The following GPC6 variants were observed in gnomAD, a reference collection of about 807,000 sequenced individuals.
The protein encoded by GPC6 is glypican 6.
Under a neutral mutation model 55.2 loss-of-function variants are expected in GPC6, and 14 were observed. That is an observed-to-expected ratio of 0.25 (90% confidence interval 0.17 to 0.40). GPC6 has a LOEUF of 0.40. Ranked by LOEUF, GPC6 falls within the 10% of genes least tolerant of loss-of-function variation. GPC6 has a pLI of 1.00. For missense variants in GPC6, 641 were observed against 708.5 expected (o/e 0.90, Z 1.08); for synonymous variants, 278 against 259.6 (o/e 1.07, Z -0.68).
chr13:94,341,200 A>C (rs556257628), intron 6 of GPC6, among the ~76,000 whole-genome samples: 1 of 152,192 alleles, frequency 6.6e-6, no homozygotes, highest in African/African-American at 2.4e-5. Context: ...AAAAAATCCT[A>C]TTTGAAATCT....
chr13:94,330,673 A>G (rs1877363573), intron 6 of GPC6, among the ~76,000 whole-genome samples: 1 of 152,206 alleles, frequency 6.6e-6, no homozygotes, highest in Non-Finnish European at 1.5e-5. Flanking sequence ...ACATCATGCT[A>G]AGAGAAGCAC....
chr13:93,754,313 CT>C (rs1400890892), intron 2 of GPC6, among the ~76,000 whole-genome samples: 1 of 152,114 alleles, frequency 6.6e-6, no homozygotes, highest in East Asian at 1.9e-4. Flanking sequence ...AATTTAGAAT[CT>C]TGGCAATCAG....
In GPC6 at chr13:93,289,656, G is replaced by A. The variant is rs188628338; in HGVS notation, c.160+62040G>A. 3.3e-3 allele frequency among the ~76,000 whole-genome samples: 504 copies of A among 152,236 alleles called. 3 individuals are homozygous for A. Among genetic ancestry groups the A allele is most frequent in the African/African-American group, 0.011 (459 of 41,552 alleles). ...TATGTTGATAAAACTTGTATGCACA[G>A]TTCAGCCTTTCAGTTTAGAGGATCA... On this transcript the variant is annotated intron_variant, in intron 1 of 8. Coordinates refer to ENST00000377047, the MANE Select transcript of GPC6 (RefSeq NM_005708.5).
chr13:94,077,169 T>C (rs925142721), intron 4 of GPC6, among the ~76,000 whole-genome samples: 2 of 151,882 alleles, frequency 1.3e-5, no homozygotes, highest in African/African-American at 4.8e-5. Flanking sequence ...ATCAACATTT[T>C]GCAGTTCTCA....
In GPC6 at chr13:94,379,491, C is replaced by T. The variant is rs529241861; in HGVS notation, c.1153-2923C>T. Among the ~76,000 whole-genome samples, 6 of 152,278 alleles carry T rather than the reference C, an allele frequency of 3.9e-5. No individual in the cohort carries two copies. The East Asian group carries it at 9.7e-4, about 25-fold the overall frequency. On this transcript the variant is annotated intron_variant, in intron 6 of 8. Coordinates refer to ENST00000377047, the MANE Select transcript of GPC6 (RefSeq NM_005708.5). ...GAGAAAACCCACATCCCCATCATCG[C>T]GACGGGCTCCTCACTTAGCCAAATA...
chr13:93,641,273 A>G (rs1234935090), intron 2 of GPC6, among the ~76,000 whole-genome samples: 4 of 50,878 alleles, frequency 7.9e-5, no homozygotes, highest in Non-Finnish European at 3.0e-4. Context: ...CATCATATAC[A>G]CTTAATGTCC....
intron 1 of GPC6, among the ~76,000 whole-genome samples, chr13:93,463,875 T>A (rs571361588): frequency 6.6e-6 from 1 of 152,110 alleles, no homozygotes; most frequent in Non-Finnish European, 1.5e-5. Context: ...TTTGCTTACG[T>A]AAGTCCTCAA....
chr13:93,951,797 T>C lies in GPC6; in HGVS notation c.712-75932T>C, dbSNP rs374870120. Reference sequence around the variant, plus strand: ...ACATAAGCAAAATCTTGAATTTTTTTTATAAGAGAACTTTCACCAGAGAAA... The same window carrying C: ...ACATAAGCAAAATCTTGAATTTTTTCTATAAGAGAACTTTCACCAGAGAAA... On this transcript the variant is annotated intron_variant, in intron 3 of 8. Coordinates refer to ENST00000377047, the MANE Select transcript of GPC6 (RefSeq NM_005708.5). Among the ~76,000 whole-genome samples the C allele has an allele frequency of 7.1e-4, 108 of 152,276 alleles. 3 individuals are homozygous for C. In the South Asian group the frequency reaches 0.019, roughly 27 times the overall value.
chr13:93,552,589 A>G (rs1050307679), intron 2 of GPC6, among the ~76,000 whole-genome samples: 1 of 152,076 alleles, frequency 6.6e-6, no homozygotes, highest in Admixed American at 6.6e-5. Flanking sequence ...TGAACTTCCA[A>G]TCTTTTTCTA....
Position 94,142,113 on chromosome 13 carries a change from T to C in GPC6, c.877+114219T>C, listed in dbSNP as rs575807848. Among the ~76,000 whole-genome samples, 11 of 152,270 alleles carry C rather than the reference T, an allele frequency of 7.2e-5. No individual in the cohort carries two copies. The East Asian group carries it at 2.1e-3, about 29-fold the overall frequency. On this transcript the variant is annotated intron_variant, in intron 4 of 8. Transcript: ENST00000377047. ...ACATGTTGCTGTTGCTCTTTTATGG[T>C]CAACTCTGGTGGGAATTTAGAATCT...
intron 2 of GPC6, among the ~76,000 whole-genome samples, chr13:93,776,495 C>T (rs1766142395): frequency 6.6e-6 from 1 of 152,026 alleles, no homozygotes; most frequent in Non-Finnish European, 1.5e-5. Context: ...GTGTCCATAG[C>T]ATCTTCTTTT....
At position 94,403,059 on chromosome 13, in the gene GPC6, G is replaced by T. The variant is rs1012906549; in HGVS notation, c.1510G>T (p.Asp504Tyr). The T allele has an allele frequency of 9.3e-6, 15 of 1,613,914 alleles. No individual in the cohort carries two copies. Among genetic ancestry groups the T allele is most frequent in the Non-Finnish European group, 1.3e-5 (15 of 1,179,760 alleles). The change falls in exon 9 of 9, where the codon GAC (aspartate) becomes TAC (tyrosine). Residue 504 changes from aspartate to tyrosine, a missense_variant. Coordinates refer to ENST00000377047, the MANE Select transcript of GPC6 (RefSeq NM_005708.5). ...AGGGAGTGGCAGTGGGTGCATGGAT[G>T]ACGTGTGTCCCACGGAGTTTGAGTT... ...GSGSGSGCMDDVCPTEFEFVT... is the reference protein window; with the variant it reads ...GSGSGSGCMDYVCPTEFEFVT...
At chr13:94,338,013 G>A (rs1412188651) in intron 6 of GPC6, among the ~76,000 whole-genome samples, 1 of 152,190 alleles carries the variant, frequency 6.6e-6, no homozygotes, top group African/African-American at 2.4e-5. Flanking sequence ...AAGACTTTCT[G>A]CCCTAGTGAT....
At chr13:93,811,830 C>G (rs9524233) in intron 2 of GPC6, among the ~76,000 whole-genome samples, 58,473 of 151,920 alleles carry the variant, frequency 0.38, 12,222 homozygotes, top group African/African-American at 0.54. Flanking sequence ...AAATCCCATA[C>G]ATGCAAAATG....
At chr13:94,037,579 AAC>A (rs1397480135) in intron 4 of GPC6, among the ~76,000 whole-genome samples, 6 of 151,970 alleles carry the variant, frequency 3.9e-5, no homozygotes, top group Non-Finnish European at 8.8e-5. Context: ...TTAACCCTAA[AAC>A]AACCTTATTA....
At chr13:93,525,391 T>G (rs1278143798) in intron 1 of GPC6, among the ~76,000 whole-genome samples, 1 of 151,976 alleles carries the variant, frequency 6.6e-6, no homozygotes, top group Non-Finnish European at 1.5e-5. Flanking sequence ...TCTAAGAGCA[T>G]GTGTTTGGAA....
chr13:93,645,373 A>G (rs1256622171), intron 2 of GPC6, among the ~76,000 whole-genome samples: 1 of 152,144 alleles, frequency 6.6e-6, no homozygotes, highest in East Asian at 1.9e-4. Context: ...GAAAGGTTAC[A>G]TAGTTGGTTG....
At chr13:93,942,887 G>C (rs928499719) in intron 3 of GPC6, among the ~76,000 whole-genome samples, 1 of 152,150 alleles carries the variant, frequency 6.6e-6, no homozygotes, top group African/African-American at 2.4e-5. Flanking sequence ...CTGTTGCTCA[G>C]ATTTTTCTCT....
intron 7 of GPC6, among the ~76,000 whole-genome samples, chr13:94,383,099 C>A (rs974891049): frequency 6.6e-6 from 1 of 152,144 alleles, no homozygotes; most frequent in Non-Finnish European, 1.5e-5. Context: ...CAGCAGTTTT[C>A]ATCATTCTGC....
Sources: allele counts gnomAD v4.1 joint callset (sites outside exome capture counted in the v4.1 genomes callset), GRCh38; gene constraint gnomAD v4.1.1; transcripts MANE v1.5; gene names NCBI Gene and HGNC (gene_info 2026-07-23, HGNC 2026-07-21).